POMT2: variants seen among roughly 807,000 people sequenced by gnomAD.
POMT2 encodes protein O-mannosyl-transferase 2.
Under a neutral mutation model 100.0 loss-of-function variants are expected in POMT2, and 75 were observed. The observed-to-expected ratio is 0.75, with a 90% confidence interval of 0.62 to 0.91. The LOEUF is 0.91. POMT2 is among the 40% of genes least tolerant of loss of function. The probability of loss-of-function intolerance (pLI) is 0.00; values close to 1 mark genes in which losing one functional copy is unlikely to be tolerated. For missense variants in POMT2, 940 were observed against 955.1 expected (o/e 0.98, Z 0.21); for synonymous variants, 378 against 374.1 (o/e 1.01, Z -0.12).
chr14:77,303,012 A>G, intron 4 of POMT2, 69 bp from the exon 5 acceptor site: 1 of 1,178,630 alleles, frequency 8.5e-7, no homozygotes, highest in Non-Finnish European at 1.2e-6. Context: ...CAAGCACCCC[A>G]GTAGTAGGAA....
At chr14:77,298,253 C>T (rs1890899297) in intron 8 of POMT2, among the ~76,000 whole-genome samples, 1 of 152,252 alleles carries the variant, frequency 6.6e-6, no homozygotes, top group Non-Finnish European at 1.5e-5. Context: ...TCTTTACGTA[C>T]TTAACGCTTC....
intron 2 of POMT2, among the ~76,000 whole-genome samples, chr14:77,309,579 G>A (rs142731230): frequency 9.7e-4 from 148 of 152,292 alleles, no homozygotes; most frequent in African/African-American, 2.4e-3. Flanking sequence ...GGGTGCAGAT[G>A]GGCCGCATTC....
At chr14:77,293,651 C>T (rs1267784209) in intron 9 of POMT2, among the ~76,000 whole-genome samples, 1 of 152,156 alleles carries the variant, frequency 6.6e-6, no homozygotes, top group East Asian at 1.9e-4. Context: ...TTATTTAGTC[C>T]AATCCCCTCA....
intron 12 of POMT2, 65 bp from the exon 13 acceptor site, chr14:77,285,697 A>G (rs1890402987): frequency 6.4e-6 from 10 of 1,552,054 alleles, no homozygotes; most frequent in Non-Finnish European, 8.9e-6. Flanking sequence ...ACGTGTCAGA[A>G]AGGGAAATGG....
chr14:77,296,262 C>T lies in POMT2; in HGVS notation c.1018G>A (p.Gly340Ser), dbSNP rs778014493. Residue 340 changes from glycine (G) to serine (S), a missense_variant, in exon 9 of 21, where the codon GGC (glycine) becomes AGC (serine). Coordinates refer to ENST00000261534, the MANE Select transcript of POMT2 (RefSeq NM_013382.7). ...NASIPEHLAY[G>S]SVITVKNLRM... ...AGGTTCTTCACAGTGATCACAGAGC[C>T]GTAGGCCAGGTCTGGGAGGAAGGGA... The T allele has an allele frequency of 3.6e-5, 58 of 1,601,598 alleles. No individual in the cohort carries two copies. Among genetic ancestry groups the T allele is most frequent in the Middle Eastern group, 1.6e-4 (1 of 6,070 alleles).
intron 10 of POMT2, among the ~76,000 whole-genome samples, chr14:77,289,772 T>C (rs1393451470): frequency 6.6e-6 from 1 of 152,160 alleles, no homozygotes; most frequent in Non-Finnish European, 1.5e-5. Context: ...TACTTCTGTA[T>C]CATCTCAAAA....
chr14:77,304,928 C>G (rs1047900834), intron 3 of POMT2, 128 bp from the exon 4 acceptor site: 3 of 1,457,220 alleles, frequency 2.1e-6, no homozygotes, highest in Non-Finnish European at 2.8e-6. Context: ...CCTAAAGTCA[C>G]CTAGGATATC....
rs567596862 is a variant in POMT2, at chr14:77,301,875, A to G, written c.657-626T>C. ...CTCTTAACCATTTTGCTATTCGTAT[A>G]GCACCTAGTACTCTACACTATGATT... On this transcript the variant is annotated intron_variant, in intron 5 of 20. Coordinates refer to ENST00000261534, the MANE Select transcript of POMT2 (RefSeq NM_013382.7). Among the ~76,000 whole-genome samples, 74 of 151,502 alleles carry G rather than the reference A, an allele frequency of 4.9e-4. 2 individuals carry two copies. In the South Asian group the frequency reaches 0.015, roughly 31 times the overall value.
At chr14:77,320,237 G>A in intron 1 of POMT2, 197 bp downstream of exon 1, 1 of 850,866 alleles carries the variant, frequency 1.2e-6, no homozygotes, top group Non-Finnish European at 1.8e-6. Context: ...GAATCCCACT[G>A]CCCCACCACC....
chr14:77,281,158 G>A (rs564538712), intron 15 of POMT2, among the ~76,000 whole-genome samples: 1 of 151,824 alleles, frequency 6.6e-6, no homozygotes, highest in African/African-American at 2.4e-5. Flanking sequence ...TTACTTATTT[G>A]TTCCCTTCAG....
In POMT2 at chr14:77,277,371, T is replaced by G; in HGVS notation, c.*5A>C. 1 of 1,605,598 alleles carries G rather than the reference T, an allele frequency of 6.2e-7. No homozygotes were observed. The highest frequency in any genetic ancestry group is 8.5e-7 in the Non-Finnish European group (1 of 1,172,320). Reference sequence around the variant, plus strand: ...TGGACCCAGGCTGGAATCTTTGCAGTGGCCTCAAAAGTCCCATGAGTCCAG... The same window carrying G: ...TGGACCCAGGCTGGAATCTTTGCAGGGGCCTCAAAAGTCCCATGAGTCCAG... On this transcript the variant is annotated 3_prime_UTR_variant, in exon 21 of 21. Transcript: ENST00000261534.
rs762885008 is a variant in POMT2 at position 77,299,492 on chromosome 14, C to T, written c.886G>A (p.Ala296Thr). Reference protein sequence around the residue: ...LIVLPLALYTATFAVHFMVLS... With the variant: ...LIVLPLALYTTTFAVHFMVLS... ...ACCATGAAGTGAACAGCAAAGGTGG[C>T]TGTATAGAGAGCCAGGGGCAGCACT... Residue 296 changes from alanine (A) to threonine (T), a missense_variant, in exon 7 of 21, where the codon GCC (alanine) becomes ACC (threonine). Ala to Thr is a moderately conservative substitution (Grantham distance 58). Coordinates refer to ENST00000261534, the MANE Select transcript of POMT2 (RefSeq NM_013382.7). 7.4e-6 allele frequency: 12 copies of T among 1,613,976 alleles called. 1 individual carries two copies. The South Asian group carries it at 9.9e-5, about 13-fold the overall frequency.
intron 12 of POMT2, among the ~76,000 whole-genome samples, chr14:77,286,402 C>T (rs965258525): frequency 4.6e-5 from 7 of 152,198 alleles, no homozygotes; most frequent in Admixed American, 3.9e-4. Context: ...GATAAACATA[C>T]ATGTTGTTCA....
intron 5 of POMT2, 138 bp from the exon 6 acceptor site, chr14:77,301,387 C>T: frequency 8.5e-7 from 1 of 1,180,630 alleles, no homozygotes; most frequent in Non-Finnish European, 1.2e-6. Flanking sequence ...CTCAAGGGAC[C>T]ATGGCGTGGC....
Position 77,277,083 on chromosome 14 carries a change from C to A in POMT2, c.*293G>T. On this transcript the variant is annotated 3_prime_UTR_variant, in exon 21 of 21. Coordinates refer to ENST00000261534, the MANE Select transcript of POMT2 (RefSeq NM_013382.7). ...TGGACAACATGCCCTCACATACACA[C>A]ACGCGCACCCACTCCCACCCTCTGG... The A allele has an allele frequency of 2.1e-6, 1 of 473,004 alleles. No homozygotes were observed. The highest frequency in any genetic ancestry group is 3.9e-6 in the Non-Finnish European group (1 of 256,142). The allele number at this position is 473,004 out of a possible 1,614,324, so 29.3% of individuals were successfully genotyped here. A position where few individuals can be genotyped will look rare whatever the true frequency, so the allele number is the denominator to read the frequency against.
chr14:77,279,719 G>A, intron 18 of POMT2, 104 bp downstream of exon 18: 1 of 1,127,102 alleles, frequency 8.9e-7, no homozygotes, highest in Non-Finnish European at 1.3e-6. Flanking sequence ...GGTGTGGGGT[G>A]GTAAACGCAA....
chr14:77,298,696 G>A lies in POMT2; in HGVS notation c.999C>T (p.Ile333=), dbSNP rs1477230440. The A allele has an allele frequency of 3.1e-6, 5 of 1,613,780 alleles. No homozygotes were observed. The highest frequency in any genetic ancestry group is 3.4e-6 in the Non-Finnish European group (4 of 1,179,930). The change falls in exon 8 of 21, where the codon ATC becomes ATT. Residue 333 remains isoleucine, a synonymous_variant. Transcript: ENST00000261534. The stretch of plus-strand genomic sequence containing the variant: ...TGGCCCAGAGACACTCACGTTCAGG[G>A]ATGGAAGCATTGTGCAGGTTGTTCC... ...LSGNNLHNAS[I]PEHLAYGSVI...
intron 9 of POMT2, among the ~76,000 whole-genome samples, chr14:77,295,148 C>T (rs1890777824): frequency 6.6e-6 from 1 of 152,220 alleles, no homozygotes; most frequent in Non-Finnish European, 1.5e-5. Context: ...CTTCAGCATC[C>T]TGCTTCTCCC....
At position 77,285,520 on chromosome 14, in the gene POMT2, C is replaced by A. The variant is rs267606968; in HGVS notation, c.1445G>T (p.Gly482Val). Residue 482 changes from glycine (G) to valine (V), a missense_variant, in exon 13 of 21, where the codon GGT becomes GTT. Gly to Val is a moderately radical substitution (Grantham distance 109). Coordinates refer to ENST00000261534, the MANE Select transcript of POMT2 (RefSeq NM_013382.7). ...CTTTCCCGAGGAGCCCAGGACACAA[C>A]CTGTGACCAAATGGATGAAGCGAAT... ...SRIRFIHLVT[G>V]CVLGSSGKVL... is the part of the protein sequence containing the mutation. 1.2e-6 allele frequency: 2 copies of A among 1,614,178 alleles called. No individual in the cohort carries two copies. Among genetic ancestry groups the A allele is most frequent in the Non-Finnish European group, 1.7e-6 (2 of 1,180,042 alleles).
Sources: allele counts gnomAD v4.1 joint callset (sites outside exome capture counted in the v4.1 genomes callset), GRCh38; gene constraint gnomAD v4.1.1; transcripts MANE v1.5; gene names NCBI Gene and HGNC (gene_info 2026-07-23, HGNC 2026-07-21).